Variants in TMPRSS7 observed in about 807,000 individuals in gnomAD.
TMPRSS7 encodes transmembrane serine protease 7.
In TMPRSS7, 81 loss-of-function variants were observed where a neutral mutation model predicts 95.6. That is an observed-to-expected ratio of 0.85 (90% CI 0.71 to 1.02). The LOEUF is 1.02. TMPRSS7 is among the 50% of genes least tolerant of loss of function. The pLI, the probability that TMPRSS7 is intolerant of heterozygous loss-of-function variation, is 0.00. For synonymous variants in TMPRSS7, 364 were observed against 337.8 expected, an observed-to-expected ratio of 1.08 and a Z score of -0.85; for missense variants, 945 against 955.2, an observed-to-expected ratio of 0.99 and a Z score of 0.14.
intron 2 of TMPRSS7, among the ~76,000 whole-genome samples, chr3:112,041,046 T>C (rs886906025): frequency 2.7e-5 from 4 of 147,048 alleles, no homozygotes; most frequent in African/African-American, 1.0e-4. Flanking sequence ...AAAGAAGTCA[T>C]AGCTTTCATT....
intron 9 of TMPRSS7, among the ~76,000 whole-genome samples, chr3:112,054,561 C>T (rs2073406428): frequency 6.6e-6 from 1 of 151,936 alleles, no homozygotes; most frequent in African/African-American, 2.4e-5. Context: ...TATGGAGGAA[C>T]TCTGTGGATT....
At chr3:112,061,589 G>A (rs75223055) in intron 10 of TMPRSS7, among the ~76,000 whole-genome samples, 198 bp from the exon 11 acceptor site, 2,247 of 152,310 alleles carry the variant, frequency 0.015, 54 homozygotes, top group African/African-American at 0.051. Flanking sequence ...GTTCCATTAA[G>A]CAGAGGAGAA....
chr3:112,053,455 G>A (rs1233959195), intron 9 of TMPRSS7, among the ~76,000 whole-genome samples: 1 of 152,132 alleles, frequency 6.6e-6, no homozygotes, highest in Non-Finnish European at 1.5e-5. Context: ...TTAAATGTCT[G>A]CCACGTGCCA....
intron 13 of TMPRSS7, among the ~76,000 whole-genome samples, chr3:112,069,743 C>G (rs1326269726): frequency 6.6e-6 from 1 of 152,070 alleles, no homozygotes; most frequent in Non-Finnish European, 1.5e-5. Context: ...TGCTAGCGGT[C>G]TATCAATTTT....
At chr3:112,074,933 A>G (rs6782938) in intron 14 of TMPRSS7, among the ~76,000 whole-genome samples, 2,789 of 152,322 alleles carry the variant, frequency 0.018, 76 homozygotes, top group African/African-American at 0.063. Flanking sequence ...GTAGGTTTTC[A>G]TTTGTCCAGG....
At chr3:112,038,858 C>T (rs113182972) in intron 2 of TMPRSS7, among the ~76,000 whole-genome samples, 343 of 151,736 alleles carry the variant, frequency 2.3e-3, no homozygotes, top group African/African-American at 7.9e-3. Context: ...ACACCATTTT[C>T]TCCCCATAGG....
At chr3:112,038,480 T>C (rs1365437706) in intron 2 of TMPRSS7, among the ~76,000 whole-genome samples, 159 bp downstream of exon 2, 3 of 152,178 alleles carry the variant, frequency 2.0e-5, no homozygotes, top group Non-Finnish European at 4.4e-5. Flanking sequence ...TTTTTTATTA[T>C]TTTGTTTTGA....
intron 10 of TMPRSS7, among the ~76,000 whole-genome samples, chr3:112,059,421 C>T (rs1016915812): frequency 6.6e-6 from 1 of 152,200 alleles, no homozygotes; most frequent in Non-Finnish European, 1.5e-5. Flanking sequence ...ATACTCTCCC[C>T]CTTTAAACTC....
chr3:112,067,515 C>T lies in TMPRSS7; in HGVS notation c.1666+1013C>T, dbSNP rs58418122. Reference sequence around the variant, plus strand: ...TGTTGTTTCCTGACTTTTTAGTGATCGCCATTCTAACTGATGTGAGATAGT... The same window carrying T: ...TGTTGTTTCCTGACTTTTTAGTGATTGCCATTCTAACTGATGTGAGATAGT... On this transcript the variant is annotated intron_variant, in intron 13 of 17. Coordinates refer to ENST00000452346, the Ensembl canonical transcript of TMPRSS7. Among the ~76,000 whole-genome samples the T allele has an allele frequency of 4.1e-3, 630 of 152,244 alleles. 5 individuals are homozygous for T. The highest frequency in any genetic ancestry group is 0.014 in the African/African-American group (581 of 41,552).
At chr3:112,041,338 A>G (rs2073205942) in intron 2 of TMPRSS7, among the ~76,000 whole-genome samples, 1 of 152,130 alleles carries the variant, frequency 6.6e-6, no homozygotes, top group Non-Finnish European at 1.5e-5. Context: ...GCTGTTTCCT[A>G]TCACTCACAG....
At chr3:112,058,485 T>G (rs1359554031) in intron 10 of TMPRSS7, among the ~76,000 whole-genome samples, 3 of 152,210 alleles carry the variant, frequency 2.0e-5, no homozygotes, top group Admixed American at 1.3e-4. Flanking sequence ...TTGTTTGTTT[T>G]TTGGTTTGCA....
intron 17 of TMPRSS7, among the ~76,000 whole-genome samples, chr3:112,079,752 C>T (rs2073755562): frequency 6.6e-6 from 1 of 152,148 alleles, no homozygotes; most frequent in African/African-American, 2.4e-5. Context: ...GTCTTCTGAG[C>T]TCCTATTTTG....
intron 9 of TMPRSS7, among the ~76,000 whole-genome samples, chr3:112,054,040 C>T (rs2073399313): frequency 6.6e-6 from 1 of 152,220 alleles, no homozygotes; most frequent in South Asian, 2.1e-4. Context: ...TAAGTCACCT[C>T]CTTATATCAC....
At chr3:112,035,748 T>A in intron 1 of TMPRSS7, among the ~76,000 whole-genome samples, 1 of 152,106 alleles carries the variant, frequency 6.6e-6, no homozygotes, top group East Asian at 1.9e-4. Flanking sequence ...ATTAAAGAAT[T>A]CACAGCATCA....
intron 10 of TMPRSS7, among the ~76,000 whole-genome samples, chr3:112,058,888 C>T (rs1191464376): frequency 6.6e-6 from 1 of 152,200 alleles, no homozygotes; most frequent in Admixed American, 6.5e-5. Flanking sequence ...TGGCTGAAAT[C>T]CTATCAGATT....
At chr3:112,047,668 A>T in intron 6 of TMPRSS7, 71 bp from the exon 7 acceptor site, 2 of 1,221,128 alleles carry the variant, frequency 1.6e-6, no homozygotes, top group Non-Finnish European at 2.3e-6. Context: ...CTTTTCTATA[A>T]AGATTTCTGT....
At chr3:112,074,888 C>G (rs1165241584) in intron 14 of TMPRSS7, among the ~76,000 whole-genome samples, 1 of 152,242 alleles carries the variant, frequency 6.6e-6, no homozygotes, top group African/African-American at 2.4e-5. Context: ...ACTATTTACA[C>G]TAGCAAACAA....
intron 13 of TMPRSS7, 125 bp from the exon 14 acceptor site, chr3:112,074,171 A>G (rs2073685832): frequency 1.5e-6 from 1 of 652,880 alleles, no homozygotes; most frequent in Admixed American, 2.5e-5. Context: ...TTTATCCCAG[A>G]GCAGCAAATA....
At chr3:112,065,121 G>A (rs6794057) in intron 12 of TMPRSS7, among the ~76,000 whole-genome samples, 4,561 of 152,240 alleles carry the variant, frequency 0.03, 191 homozygotes, top group African/African-American at 0.088. Flanking sequence ...GCTCACTGCA[G>A]CGTCGAACTC....
Sources: allele counts gnomAD v4.1 joint callset (sites outside exome capture counted in the v4.1 genomes callset), GRCh38; gene constraint gnomAD v4.1.1; transcripts MANE v1.5; gene names NCBI Gene and HGNC (gene_info 2026-07-23, HGNC 2026-07-21).